Variants in LIPA observed in about 807,000 individuals in gnomAD.
The protein encoded by LIPA is lipase A, lysosomal acid type.
LIPA carries 26 observed loss-of-function variants against 40.6 expected under a neutral mutation model. The ratio of observed to expected loss-of-function variants is 0.64; its 90% CI spans 0.47 to 0.89. LIPA has a LOEUF of 0.89. Among genes scored for constraint, LIPA ranks in the 40% least tolerant of loss-of-function variants. The pLI is 0.00. For synonymous variants in LIPA, 188 were observed against 168.4 expected, an observed-to-expected ratio of 1.12 and a Z score of -0.90; for missense variants, 455 against 479.6, an observed-to-expected ratio of 0.95 and a Z score of 0.48.
chr10:89,316,063 A>G (rs1479892609), intron 1 of LIPA, among the ~76,000 whole-genome samples: 1 of 152,190 alleles, frequency 6.6e-6, no homozygotes, highest in Non-Finnish European at 1.5e-5. Context: ...CTACATCAGA[A>G]TCTCCTAGAG....
chr10:89,292,985 A>C (rs748258742), intron 1 of LIPA, among the ~76,000 whole-genome samples: 2 of 152,180 alleles, frequency 1.3e-5, no homozygotes, highest in African/African-American at 2.4e-5. Flanking sequence ...ATTGAGGCAC[A>C]GAAAGGTTTC....
chr10:89,340,034 C>T (rs1226560149), intron 1 of LIPA: 1 of 1,614,206 alleles, frequency 6.2e-7, no homozygotes, highest in Non-Finnish European at 8.5e-7. Context: ...TTCCTGTCAG[C>T]ATCTGAGCTT....
chr10:89,337,014 G>T (rs1843752633), intron 1 of LIPA, among the ~76,000 whole-genome samples: 1 of 152,218 alleles, frequency 6.6e-6, no homozygotes, highest in South Asian at 2.1e-4. Context: ...AAACAAAAAT[G>T]AGTCCATTTT....
At chr10:89,360,922 T>C (rs1348461394) in intron 2 of LIPA, among the ~76,000 whole-genome samples, 3 of 152,162 alleles carry the variant, frequency 2.0e-5, no homozygotes, top group Non-Finnish European at 4.4e-5. Context: ...CGCAGCATCC[T>C]TCCTTGCCTC....
chr10:89,349,445 A>C (rs1354633191), intron 2 of LIPA, among the ~76,000 whole-genome samples: 1 of 152,082 alleles, frequency 6.6e-6, no homozygotes, highest in Non-Finnish European at 1.5e-5. Context: ...TGTTCTGTTA[A>C]TCTGCCAGTT....
At chr10:89,379,803 G>A (rs1319442911) in intron 2 of LIPA, among the ~76,000 whole-genome samples, 1 of 152,132 alleles carries the variant, frequency 6.6e-6, no homozygotes, top group African/African-American at 2.4e-5. Flanking sequence ...GGGAGGCCGA[G>A]ATGGGCAGAT....
rs555321192 is a variant in LIPA, at chr10:89,244,711, G to A, written c.229+965C>T. Among the ~76,000 whole-genome samples, 5 of 152,184 alleles carry A rather than the reference G, an allele frequency of 3.3e-5. No individual in the cohort carries two copies. In the East Asian group the frequency reaches 9.6e-4, roughly 29 times the overall value. Reference sequence around the variant, plus strand: ...AATTCCTTTATCTGCACTGGAAACTGCAGTTTTGCTTGAGTTATAAAATGA... The same window carrying A: ...AATTCCTTTATCTGCACTGGAAACTACAGTTTTGCTTGAGTTATAAAATGA... On this transcript the variant is annotated intron_variant, in intron 3 of 9. Transcript: ENST00000336233.
chr10:89,328,559 A>G (rs573146371), intron 1 of LIPA, among the ~76,000 whole-genome samples: 3 of 152,354 alleles, frequency 2.0e-5, no homozygotes, highest in African/African-American at 7.2e-5. Flanking sequence ...ATATTGTGAA[A>G]GATACAATCA....
chr10:89,245,868 C>A (rs943334960), intron 2 of LIPA, 75 bp from the exon 3 acceptor site: 4 of 817,070 alleles, frequency 4.9e-6, no homozygotes, highest in African/African-American at 3.3e-5. Context: ...AGCAAAGGAG[C>A]AGATAAACTA....
At chr10:89,312,624 C>G (rs773739494) in intron 1 of LIPA, among the ~76,000 whole-genome samples, 1 of 151,564 alleles carries the variant, frequency 6.6e-6, no homozygotes, top group African/African-American at 2.4e-5. Context: ...CTGGCTAACA[C>G]GGTGAAACCC....
intron 8 of LIPA, among the ~76,000 whole-genome samples, chr10:89,218,688 C>A (rs1177980517): frequency 6.6e-6 from 1 of 152,168 alleles, no homozygotes; most frequent in African/African-American, 2.4e-5. Flanking sequence ...TGCAACCAGG[C>A]AGAAGAGGAC....
chr10:89,257,562 T>C (rs977444930), intron 1 of LIPA, among the ~76,000 whole-genome samples: 2 of 152,304 alleles, frequency 1.3e-5, no homozygotes, highest in South Asian at 4.1e-4. Flanking sequence ...TTTCAGACAT[T>C]GGACAACAAA....
intron 1 of LIPA, chr10:89,305,916 A>G (rs1273924603): frequency 2.2e-6 from 3 of 1,375,804 alleles, no homozygotes; most frequent in Non-Finnish European, 3.1e-6. Context: ...ATTTCTTGAC[A>G]TATAAATCTG....
At chr10:89,233,877 C>G (rs900258051) in intron 3 of LIPA, among the ~76,000 whole-genome samples, 2 of 152,074 alleles carry the variant, frequency 1.3e-5, no homozygotes, top group African/African-American at 4.8e-5. Flanking sequence ...CCCCACCCCC[C>G]ACAAAATAAA....
intron 1 of LIPA, 146 bp downstream of exon 1, chr10:89,251,591 A>T (rs942037410): frequency 1.1e-4 from 17 of 152,308 alleles, no homozygotes; most frequent in African/African-American, 4.1e-4. Context: ...AAGCACCCGC[A>T]GGCACCCCAG....
At chr10:89,394,577 AATATATATATATATATATATAT>A (rs200060906) in intron 2 of LIPA, among the ~76,000 whole-genome samples, 2,490 of 108,720 alleles carry the variant, frequency 0.023, 100 homozygotes, top group Middle Eastern at 0.049. Context: ...ACTACAGGAA[AATATATATATATATATATATAT>A]ATATATATAT....
At chr10:89,379,756 T>C (rs1477631977) in intron 2 of LIPA, among the ~76,000 whole-genome samples, 3 of 152,148 alleles carry the variant, frequency 2.0e-5, no homozygotes, top group Admixed American at 2.0e-4. Flanking sequence ...TAGTTGTGGC[T>C]GGGCATGGTG....
intron 2 of LIPA, chr10:89,385,026 A>C (rs1231079713): frequency 1.4e-5 from 5 of 346,114 alleles, no homozygotes; most frequent in African/African-American, 1.0e-4. Context: ...GTAACCGATC[A>C]AATTGCTATA....
chr10:89,283,065 G>T (rs896816874), intron 1 of LIPA, among the ~76,000 whole-genome samples: 2 of 152,212 alleles, frequency 1.3e-5, no homozygotes, highest in Admixed American at 6.5e-5. Flanking sequence ...TTCACTTAAA[G>T]CTGCCTCCTT....
Sources: allele counts gnomAD v4.1 joint callset (sites outside exome capture counted in the v4.1 genomes callset), GRCh38; gene constraint gnomAD v4.1.1; transcripts MANE v1.5; gene names NCBI Gene and HGNC (gene_info 2026-07-23, HGNC 2026-07-21).